Variants in FRAS1 observed in about 807,000 individuals in gnomAD.
FRAS1 encodes the protein extracellular matrix organizing protein FRAS1.
In FRAS1, 290 loss-of-function variants were observed where a neutral mutation model predicts 435.2. That is an observed-to-expected ratio of 0.67 (90% CI 0.61 to 0.73). FRAS1 has a LOEUF of 0.73. Ranked by LOEUF, FRAS1 falls within the 30% of genes least tolerant of loss-of-function variation. FRAS1 has a pLI of 0.00. For missense variants in FRAS1, 4,860 were observed against 5,001.5 expected (o/e 0.97, Z 0.85); for synonymous variants, 1,800 against 1,851.0 (o/e 0.97, Z 0.71).
intron 2 of FRAS1, among the ~76,000 whole-genome samples, chr4:78,101,411 A>G (rs1578123761): frequency 6.6e-6 from 1 of 152,228 alleles, no homozygotes; most frequent in African/African-American, 2.4e-5. Context: ...AAGTTGTAGC[A>G]GTCAAAAATG....
intron 2 of FRAS1, among the ~76,000 whole-genome samples, chr4:78,187,888 C>A (rs138476799): frequency 1.1e-3 from 174 of 152,300 alleles, no homozygotes; most frequent in African/African-American, 3.9e-3. Flanking sequence ...CAGGCATGAG[C>A]CACCACGCCT....
At chr4:78,172,029 T>G (rs916775017) in intron 2 of FRAS1, among the ~76,000 whole-genome samples, 17 of 152,148 alleles carry the variant, frequency 1.1e-4, no homozygotes, top group Non-Finnish European at 2.2e-4. Flanking sequence ...CCTTTTCCAG[T>G]ATTTAAGATG....
chr4:78,503,511 A>G (rs994187283), intron 61 of FRAS1, among the ~76,000 whole-genome samples: 2 of 152,180 alleles, frequency 1.3e-5, no homozygotes, highest in African/African-American at 4.8e-5. Context: ...AGAGGTGTTT[A>G]TAGTATTCTC....
rs573458782 is a variant in FRAS1 at position 78,369,933 on chromosome 4, G to A, written c.2818G>A (p.Glu940Lys). The A allele has an allele frequency of 2.5e-6, 4 of 1,613,778 alleles. No homozygotes were observed. Among genetic ancestry groups the A allele is most frequent in the East Asian group, 2.2e-5 (1 of 44,882 alleles). The change falls in exon 23 of 74, where the codon GAG becomes AAG. Residue 940 changes from glutamate (E) to lysine (K), a missense_variant. Physicochemically the swap from Glu to Lys is moderately conservative, Grantham distance 56. Transcript: ENST00000512123. ...TCTGCTCTTTGGGGAATGTCAATAC[G>A]AGAGCTGCGCCCCACAGTACTATCT... ...KVLLFGECQY[E>K]SCAPQYYLDF...
chr4:78,446,907 T>G (rs774199844), intron 43 of FRAS1, 27 bp downstream of exon 43: 2 of 1,583,940 alleles, frequency 1.3e-6, no homozygotes, highest in Non-Finnish European at 1.7e-6. Flanking sequence ...TATGAAAAGC[T>G]TCTTAATTGA....
At chr4:78,420,721 C>T (rs1248732245) in intron 33 of FRAS1, among the ~76,000 whole-genome samples, 1 of 151,592 alleles carries the variant, frequency 6.6e-6, no homozygotes, top group Non-Finnish European at 1.5e-5. Context: ...TTCTCAAGGA[C>T]CTTTGAATTG....
intron 8 of FRAS1, 97 bp downstream of exon 8, chr4:78,267,032 G>T: frequency 1.0e-6 from 1 of 976,266 alleles, no homozygotes. Context: ...GGAATCAAAA[G>T]TTTTATAATG....
At chr4:78,132,533 C>T (rs748335859) in intron 2 of FRAS1, among the ~76,000 whole-genome samples, 1 of 152,042 alleles carries the variant, frequency 6.6e-6, no homozygotes, top group Non-Finnish European at 1.5e-5. Context: ...CCTTTTTTGA[C>T]TAAGTCAAGG....
chr4:78,472,218 G>A lies in FRAS1; in HGVS notation c.7410G>A (p.Met2470Ile). Reference sequence around the variant, plus strand: ...TCACCAAGAAGGAACTGCTGACCATGGACCCAGACACCGAGGACGCGCAGC... The same window carrying A: ...TCACCAAGAAGGAACTGCTGACCATAGACCCAGACACCGAGGACGCGCAGC... ...NLITKKELLT[M>I]DPDTEDAQLV... Residue 2470 changes from methionine (M) to isoleucine (I), a missense_variant, in exon 52 of 74, where the codon ATG becomes ATA. Met to Ile is a conservative substitution (Grantham distance 10). Coordinates refer to ENST00000512123, the MANE Select transcript of FRAS1 (RefSeq NM_025074.7). The A allele has an allele frequency of 1.2e-6, 2 of 1,613,958 alleles. No individual in the cohort carries two copies. Among genetic ancestry groups the A allele is most frequent in the Non-Finnish European group, 1.7e-6 (2 of 1,179,850 alleles).
chr4:78,097,881 G>C (rs892227029), intron 2 of FRAS1, among the ~76,000 whole-genome samples: 1 of 152,194 alleles, frequency 6.6e-6, no homozygotes, highest in Non-Finnish European at 1.5e-5. Context: ...TATAAGAAGA[G>C]GAGATTAAGA....
chr4:78,147,310 A>G (rs779871231), intron 2 of FRAS1, among the ~76,000 whole-genome samples: 4 of 152,212 alleles, frequency 2.6e-5, no homozygotes, highest in Non-Finnish European at 4.4e-5. Context: ...TTGCATGTAC[A>G]GGGAATGAAC....
At chr4:78,451,276 T>C (rs1295944531) in intron 45 of FRAS1, among the ~76,000 whole-genome samples, 1 of 152,194 alleles carries the variant, frequency 6.6e-6, no homozygotes, top group Admixed American at 6.5e-5. Context: ...TTGAGTTCTA[T>C]GTGGAGTTTA....
At chr4:78,392,706 C>T (rs1300789500) in intron 29 of FRAS1, among the ~76,000 whole-genome samples, 4 of 148,020 alleles carry the variant, frequency 2.7e-5, no homozygotes, top group Admixed American at 6.8e-5. Flanking sequence ...TAATGTGGTC[C>T]TCTGGAGGAT....
At chr4:78,180,941 A>G in intron 2 of FRAS1, 1 of 1,610,244 alleles carries the variant, frequency 6.2e-7, no homozygotes, top group South Asian at 1.1e-5. Context: ...TCCTGCTGCC[A>G]CGGTTTGGGC....
chr4:78,292,086 T>TA (rs1241234568), intron 14 of FRAS1, among the ~76,000 whole-genome samples: 2 of 152,234 alleles, frequency 1.3e-5, no homozygotes, highest in African/African-American at 4.8e-5. Context: ...ATGTGGACTG[T>TA]AAAAGGCAGC....
At chr4:78,091,742 G>A (rs182736882) in intron 2 of FRAS1, among the ~76,000 whole-genome samples, 113 of 151,920 alleles carry the variant, frequency 7.4e-4, no homozygotes, top group Admixed American at 1.8e-3. Flanking sequence ...CCTACAGCCC[G>A]GAGCTCCTGG....
intron 26 of FRAS1, among the ~76,000 whole-genome samples, chr4:78,378,262 T>C (rs1199735666): frequency 6.6e-6 from 1 of 152,176 alleles, no homozygotes; most frequent in Non-Finnish European, 1.5e-5. Context: ...TCATTCCTTT[T>C]TCTTTCTGTA....
intron 31 of FRAS1, among the ~76,000 whole-genome samples, chr4:78,408,224 G>A (rs1301825657): frequency 6.6e-6 from 1 of 152,090 alleles, no homozygotes; most frequent in African/African-American, 2.4e-5. Flanking sequence ...CGTGATTGTT[G>A]TCTCCCACCG....
rs186058463 is a variant in FRAS1 at position 78,520,825 on chromosome 4, A to G, written c.10541-698A>G. ...GCAGTGTAGTCCTTTCTTCTGTGAA[A>G]TGTCTTAGGCTCAAATCATTTTTGG... On this transcript the variant is annotated intron_variant, in intron 67 of 73. Coordinates refer to ENST00000512123, the MANE Select transcript of FRAS1 (RefSeq NM_025074.7). Among the ~76,000 whole-genome samples the G allele has an allele frequency of 1.8e-4, 28 of 152,306 alleles. No individual in the cohort carries two copies. The East Asian group carries it at 3.3e-3, about 18-fold the overall frequency.
Sources: gnomAD v4.1 joint callset for allele counts (sites outside exome capture counted in the v4.1 genomes callset) on GRCh38, gnomAD v4.1.1 for gene constraint, MANE v1.5 for transcripts, NCBI Gene and HGNC (gene_info 2026-07-23, HGNC 2026-07-21) for gene names.